The following ZMAT4 variants were observed in gnomAD, a reference collection of about 807,000 sequenced individuals.
The protein encoded by ZMAT4 is zinc finger matrin-type protein 4.
ZMAT4 carries 17 observed loss-of-function variants against 28.7 expected under a neutral mutation model. The ratio of observed to expected loss-of-function variants is 0.59; its 90% CI spans 0.41 to 0.89. ZMAT4 has a LOEUF of 0.89. Ranked by LOEUF, ZMAT4 falls within the 40% of genes least tolerant of loss-of-function variation. The probability of loss-of-function intolerance (pLI) is 0.00; values close to 1 mark genes in which losing one functional copy is unlikely to be tolerated. For missense variants in ZMAT4, 240 were observed against 283.8 expected, an observed-to-expected ratio of 0.85 and a Z score of 1.11; for synonymous variants, 117 against 109.2, an observed-to-expected ratio of 1.07 and a Z score of -0.44.
intron 2 of ZMAT4, among the ~76,000 whole-genome samples, chr8:40,773,964 A>T (rs915720174): frequency 1.3e-5 from 2 of 152,170 alleles, no homozygotes; most frequent in African/African-American, 4.8e-5. Flanking sequence ...AAGTCCCAAA[A>T]TAGAGTCAAT....
At chr8:40,833,540 C>CAAAAAAAAAAAAAAAAAAAAAAAAAAA (rs57458575) in intron 1 of ZMAT4, among the ~76,000 whole-genome samples, 80 of 87,042 alleles carry the variant, frequency 9.2e-4, no homozygotes, top group South Asian at 2.4e-3. Context: ...TACACTCCAG[C>CAAAAAAAAAAAAAAAAAAAAAAAAAAA]AAAAAAAAAA....
At chr8:40,710,334 T>C (rs1810551460) in intron 3 of ZMAT4, among the ~76,000 whole-genome samples, 1 of 152,214 alleles carries the variant, frequency 6.6e-6, no homozygotes, top group Non-Finnish European at 1.5e-5. Context: ...AATTATGGGA[T>C]ATTCTAATTC....
intron 6 of ZMAT4, among the ~76,000 whole-genome samples, chr8:40,541,647 A>G (rs1222800891): frequency 2.0e-5 from 3 of 152,320 alleles, no homozygotes; most frequent in Middle Eastern, 3.4e-3. Flanking sequence ...GGCTAGTGTC[A>G]CTGAAAGTGT....
chr8:40,761,093 A>C (rs575946138), intron 3 of ZMAT4, among the ~76,000 whole-genome samples: 36 of 152,268 alleles, frequency 2.4e-4, no homozygotes, highest in Admixed American at 5.9e-4. Flanking sequence ...TTGCTATAAC[A>C]AAAGGCAATA....
In ZMAT4 at chr8:40,700,131, T is replaced by C. The variant is rs554786396; in HGVS notation, c.193-2730A>G. On this transcript the variant is annotated intron_variant, in intron 3 of 6. Coordinates refer to ENST00000297737, the MANE Select transcript of ZMAT4 (RefSeq NM_024645.3). ...TAGATGAATATGACTCCATGCCCTGTTATCAAGGAGGCTGGCACCAGGAGA... is the reference window on the plus strand; with the variant it reads ...TAGATGAATATGACTCCATGCCCTGCTATCAAGGAGGCTGGCACCAGGAGA... 2.0e-5 allele frequency among the ~76,000 whole-genome samples: 3 copies of C among 152,282 alleles called. No individual in the cohort carries two copies. The South Asian group carries it at 6.2e-4, about 32-fold the overall frequency.
chr8:40,559,762 C>T (rs1803670788), intron 6 of ZMAT4, among the ~76,000 whole-genome samples: 2 of 152,074 alleles, frequency 1.3e-5, no homozygotes, highest in Admixed American at 1.3e-4. Context: ...AACACAAAAA[C>T]ACACACACAT....
chr8:40,680,902 G>A (rs1809138104), intron 4 of ZMAT4, among the ~76,000 whole-genome samples: 1 of 152,006 alleles, frequency 6.6e-6, no homozygotes, highest in African/African-American at 2.4e-5. Context: ...AAGGGATGTG[G>A]GGGCTTTTGA....
intron 3 of ZMAT4, among the ~76,000 whole-genome samples, chr8:40,718,942 T>C (rs1360424275): frequency 6.6e-6 from 1 of 152,184 alleles, no homozygotes; most frequent in Non-Finnish European, 1.5e-5. Context: ...CCTGTGGCAC[T>C]GACCTGGAAT....
At chr8:40,623,440 C>T (rs75845734) in intron 5 of ZMAT4, among the ~76,000 whole-genome samples, 154 of 152,302 alleles carry the variant, frequency 1.0e-3, no homozygotes, top group African/African-American at 3.6e-3. Context: ...CTAGCAAATG[C>T]CCAGCAGAAC....
chr8:40,803,875 A>T (rs1814961801), intron 2 of ZMAT4, among the ~76,000 whole-genome samples: 1 of 152,204 alleles, frequency 6.6e-6, no homozygotes, highest in South Asian at 2.1e-4. Flanking sequence ...ACATCCAAAC[A>T]ATGGACTATT....
At chr8:40,532,327 C>T (rs1414537528) in intron 6 of ZMAT4, 89 bp from the exon 7 acceptor site, 1 of 1,108,918 alleles carries the variant, frequency 9.0e-7, no homozygotes, top group East Asian at 2.7e-5. Context: ...TGTCTCTCTT[C>T]TACTTCTCAT....
intron 2 of ZMAT4, among the ~76,000 whole-genome samples, chr8:40,783,641 C>A (rs896301745): frequency 1.3e-5 from 2 of 151,878 alleles, no homozygotes; most frequent in African/African-American, 4.8e-5. Flanking sequence ...ACTACATAAA[C>A]ATAAGAGATG....
At chr8:40,758,825 T>A (rs1812802100) in intron 3 of ZMAT4, among the ~76,000 whole-genome samples, 1 of 151,870 alleles carries the variant, frequency 6.6e-6, no homozygotes, top group South Asian at 2.1e-4. Context: ...GAGAGAACTG[T>A]CTCTACTGGT....
At chr8:40,839,639 GA>G (rs1282927807) in intron 1 of ZMAT4, among the ~76,000 whole-genome samples, 2 of 152,204 alleles carry the variant, frequency 1.3e-5, no homozygotes, top group African/African-American at 4.8e-5. Context: ...TAAAAAGAAT[GA>G]AATCACACCT....
At chr8:40,675,521 T>A (rs1385653867) in intron 4 of ZMAT4, among the ~76,000 whole-genome samples, 1 of 152,184 alleles carries the variant, frequency 6.6e-6, no homozygotes, top group Non-Finnish European at 1.5e-5. Context: ...AAATATTGGA[T>A]AAAATGCAAC....
intron 1 of ZMAT4, among the ~76,000 whole-genome samples, chr8:40,869,287 T>C (rs1193738503): frequency 6.9e-6 from 1 of 144,424 alleles, no homozygotes; most frequent in Non-Finnish European, 1.6e-5. Flanking sequence ...TCTTATAGAA[T>C]ATTAGTTGAG....
chr8:40,676,383 C>A (rs976701757), intron 4 of ZMAT4, among the ~76,000 whole-genome samples: 3 of 152,066 alleles, frequency 2.0e-5, no homozygotes, highest in Non-Finnish European at 4.4e-5. Flanking sequence ...TATGTAAATT[C>A]TCACATGGGC....
chr8:40,777,214 A>G (rs1281834657), intron 2 of ZMAT4, among the ~76,000 whole-genome samples: 1 of 152,230 alleles, frequency 6.6e-6, no homozygotes, highest in African/African-American at 2.4e-5. Flanking sequence ...TTAAAAATAC[A>G]TTATAAAGTG....
At chr8:40,598,619 G>A (rs1585735863) in intron 5 of ZMAT4, among the ~76,000 whole-genome samples, 1 of 152,214 alleles carries the variant, frequency 6.6e-6, no homozygotes, top group East Asian at 1.9e-4. Context: ...ATCATTGATG[G>A]GTATTTGGGT....
Sources: allele counts gnomAD v4.1 joint callset (sites outside exome capture counted in the v4.1 genomes callset), GRCh38; gene constraint gnomAD v4.1.1; transcripts MANE v1.5; gene names NCBI Gene and HGNC (gene_info 2026-07-23, HGNC 2026-07-21).